The following CACNA1I variants were observed in gnomAD, a reference collection of about 807,000 sequenced individuals.
The protein encoded by CACNA1I is calcium voltage-gated channel subunit alpha1 I.
A neutral mutation model predicts 201.6 loss-of-function variants in CACNA1I; 74 were observed. The observed-to-expected ratio is 0.37, with a 90% CI of 0.30 to 0.45. The LOEUF (loss-of-function observed/expected upper bound fraction) is 0.45, where lower values mean the gene tolerates loss of function less well. Among genes scored for constraint, CACNA1I ranks in the 20% least tolerant of loss-of-function variants. The pLI is 1.00. For missense variants in CACNA1I, 2,346 were observed against 3,138.1 expected (o/e 0.75, Z 6.03); for synonymous variants, 1,431 against 1,345.2 (o/e 1.06, Z -1.40).
chr22:39,606,165 A>G (rs78926771), intron 3 of CACNA1I, among the ~76,000 whole-genome samples: 68 of 152,270 alleles, frequency 4.5e-4, no homozygotes, highest in Non-Finnish European at 7.1e-4. Context: ...CACCCTCCCA[A>G]TGATGGCTTA....
At chr22:39,597,252 C>T (rs1932912779) in intron 1 of CACNA1I, among the ~76,000 whole-genome samples, 1 of 152,198 alleles carries the variant, frequency 6.6e-6, no homozygotes, top group African/African-American at 2.4e-5. Flanking sequence ...TGACACAGCC[C>T]TGAGCTCCTT....
chr22:39,642,367 C>T (rs570615624), intron 6 of CACNA1I, among the ~76,000 whole-genome samples: 1 of 152,244 alleles, frequency 6.6e-6, no homozygotes, highest in African/African-American at 2.4e-5. Flanking sequence ...TCACACCAGC[C>T]TCATTGCGGT....
chr22:39,599,724 G>A (rs1932983668), intron 2 of CACNA1I, among the ~76,000 whole-genome samples: 1 of 151,616 alleles, frequency 6.6e-6, no homozygotes, highest in African/African-American at 2.4e-5. Context: ...TGGGTAACAA[G>A]CTCCTCAGCA....
intron 4 of CACNA1I, among the ~76,000 whole-genome samples, chr22:39,625,880 G>T (rs1280015358): frequency 1.4e-5 from 2 of 140,694 alleles, no homozygotes; most frequent in Non-Finnish European, 3.0e-5. Context: ...GCACTGCCTT[G>T]CTTCCTTAAG....
chr22:39,635,888 C>G (rs919648460), intron 5 of CACNA1I, among the ~76,000 whole-genome samples: 1 of 152,198 alleles, frequency 6.6e-6, no homozygotes, highest in East Asian at 1.9e-4. Flanking sequence ...CCTCACCACC[C>G]CAGCCCCAAG....
intron 1 of CACNA1I, among the ~76,000 whole-genome samples, chr22:39,575,514 T>C (rs1445723733): frequency 6.6e-6 from 1 of 152,100 alleles, no homozygotes; most frequent in African/African-American, 2.4e-5. Flanking sequence ...AATTAGACAT[T>C]GGGGACAGGT....
At chr22:39,622,823 C>A (rs914027807) in intron 4 of CACNA1I, among the ~76,000 whole-genome samples, 7 of 152,000 alleles carry the variant, frequency 4.6e-5, no homozygotes, top group African/African-American at 1.2e-4. Flanking sequence ...GCACAGAGGG[C>A]CACGTCGCTC....
chr22:39,648,499 G>A lies in CACNA1I; in HGVS notation c.1567+573G>A, dbSNP rs1278027234. Among the ~76,000 whole-genome samples, 3 of 152,050 alleles carry A rather than the reference G, an allele frequency of 2.0e-5. No individual in the cohort carries two copies. Among genetic ancestry groups the A allele is most frequent in the Non-Finnish European group, 4.4e-5 (3 of 67,996 alleles). On this transcript the variant is annotated intron_variant, in intron 9 of 36. Coordinates refer to ENST00000402142, the MANE Select transcript of CACNA1I (RefSeq NM_021096.4). The surrounding 1 kb of genome is among the most constrained non-coding windows in gnomAD (Gnocchi z 5.4). ...GTCCAGGTGGGAGCAGTGAGCCGGC[G>A]CTGGGAAGGGCTTTGGGCCTGTCCT...
rs1935550274 is a variant in CACNA1I at position 39,677,500 on chromosome 22, A to C, written c.4933+81A>C. 3.2e-6 allele frequency: 3 copies of C among 945,244 alleles called. No individual in the cohort carries two copies. Among genetic ancestry groups the C allele is most frequent in the Non-Finnish European group, 4.6e-6 (3 of 648,270 alleles). The allele number at this position is 945,244 out of a possible 1,614,324, so 58.6% of individuals were successfully genotyped here. A position where few individuals can be genotyped will look rare whatever the true frequency, so the allele number is the denominator to read the frequency against. On this transcript the variant is annotated intron_variant, in intron 30 of 36. Coordinates refer to ENST00000402142, the MANE Select transcript of CACNA1I (RefSeq NM_021096.4). This position sits in a 1 kb window ranked among gnomAD's most constrained non-coding sequence, Gnocchi z 4.8. ...ACTGGGGGGGCGGGGGAGGCCTGAG[A>C]CCCCTGAGCCCGTCACATCAGGGTC... is the stretch of plus-strand genomic sequence containing the variant.
At chr22:39,596,148 G>C in intron 1 of CACNA1I, among the ~76,000 whole-genome samples, 3 of 88,614 alleles carry the variant, frequency 3.4e-5, no homozygotes, top group Middle Eastern at 4.5e-3. Context: ...AGAGAGATGG[G>C]GGAGCAGGGT....
chr22:39,668,257 C>A, intron 23 of CACNA1I, 35 bp from the exon 24 acceptor site: 1 of 1,351,704 alleles, frequency 7.4e-7, no homozygotes, highest in Non-Finnish European at 1.1e-6. Context: ...ACTCACAGTC[C>A]TCACCCCTGC....
At chr22:39,675,048 G>A (rs1018376100) in intron 29 of CACNA1I, among the ~76,000 whole-genome samples, 1 of 152,232 alleles carries the variant, frequency 6.6e-6, no homozygotes, top group African/African-American at 2.4e-5. Flanking sequence ...TTTGTCCCAT[G>A]GGAGATGGGG....
chr22:39,673,048 C>T lies in CACNA1I; in HGVS notation c.4749C>T (p.Ile1583=). The T allele has an allele frequency of 1.9e-6, 3 of 1,613,774 alleles. No homozygotes were observed. Among genetic ancestry groups the T allele is most frequent in the Non-Finnish European group, 2.5e-6 (3 of 1,179,786 alleles). The change falls in exon 28 of 37, where the codon ATC becomes ATT. Residue 1583 remains isoleucine (I), a synonymous_variant. Coordinates refer to ENST00000402142, the MANE Select transcript of CACNA1I (RefSeq NM_021096.4). ...CGGCCCTGCCCATCAATCCCACCAT[C>T]ATCCGCATCATGAGGGTTCTGCGCA... ...INAALPINPT[I]IRIMRVLRIA...
chr22:39,666,137 T>A lies in CACNA1I; in HGVS notation c.4104+131T>A. ...GACTTCTCCTCTCCAAGCCTCAGTT[T>A]CCTCTTCTGCAAAATGGGTAAGGGT... On this transcript the variant is annotated intron_variant, in intron 23 of 36. Transcript: ENST00000402142. This position sits in a 1 kb window ranked among gnomAD's most constrained non-coding sequence, Gnocchi z 4.1. 4.2e-6 allele frequency: 5 copies of A among 1,187,764 alleles called. No individual in the cohort carries two copies. Among genetic ancestry groups the A allele is most frequent in the Non-Finnish European group, 5.9e-6 (5 of 840,512 alleles). 73.6% of individuals were successfully genotyped at this position (1,187,764 alleles called of 1,614,324 possible).
At chr22:39,672,561 G>C (rs1408162699) in intron 27 of CACNA1I, among the ~76,000 whole-genome samples, 1 of 152,200 alleles carries the variant, frequency 6.6e-6, no homozygotes, top group African/African-American at 2.4e-5. Context: ...CCTATGGGCA[G>C]AGCAGGGTCT....
chr22:39,638,303 G>A (rs1934268877), intron 5 of CACNA1I, among the ~76,000 whole-genome samples: 1 of 152,194 alleles, frequency 6.6e-6, no homozygotes, highest in Non-Finnish European at 1.5e-5. Flanking sequence ...AGGACCAGTG[G>A]TGGAAAAGTC....
rs1935217232 is a variant in CACNA1I at position 39,666,920 on chromosome 22, G to A, written c.4104+914G>A. On this transcript the variant is annotated intron_variant, in intron 23 of 36. Transcript: ENST00000402142. This position sits in a 1 kb window ranked among gnomAD's most constrained non-coding sequence, Gnocchi z 4.1. Reference sequence around the variant, plus strand: ...GGAAGTTGAGGGGGAACCAGCCAGCGGCCTTTTGTGCCCGTGCTCCTGACC... The same window carrying A: ...GGAAGTTGAGGGGGAACCAGCCAGCAGCCTTTTGTGCCCGTGCTCCTGACC... 6.6e-6 allele frequency among the ~76,000 whole-genome samples: 1 copy of A among 152,170 alleles called. No individual in the cohort carries two copies. The highest frequency in any genetic ancestry group is 2.1e-4 in the South Asian group (1 of 4,836).
chr22:39,676,230 G>A lies in CACNA1I; in HGVS notation c.4855-1111G>A, dbSNP rs574112571. Among the ~76,000 whole-genome samples the A allele has an allele frequency of 6.6e-6, 1 of 152,342 alleles. No individual in the cohort carries two copies. Among genetic ancestry groups the A allele is most frequent in the East Asian group, 1.9e-4 (1 of 5,188 alleles). ...GCTGAATTCCTAGAGCCGCGACCAC[G>A]CCAGATCCTTCTCAGCGGTCAGGGC... On this transcript the variant is annotated intron_variant, in intron 29 of 36. Transcript: ENST00000402142. The surrounding 1 kb of genome is among the most constrained non-coding windows in gnomAD (Gnocchi z 4.8).
At chr22:39,682,416 C>A in intron 34 of CACNA1I, 80 bp from the exon 35 acceptor site, 1 of 1,209,270 alleles carries the variant, frequency 8.3e-7, no homozygotes. Context: ...AGCAAGGGGC[C>A]GTGGAGCAGG....
Sources: allele counts gnomAD v4.1 joint callset (sites outside exome capture counted in the v4.1 genomes callset), GRCh38; gene constraint gnomAD v4.1.1; non-coding constraint Gnocchi (gnomAD v3.1); transcripts MANE v1.5; gene names NCBI Gene and HGNC (gene_info 2026-07-23, HGNC 2026-07-21).